Variants in BTRC observed in about 807,000 individuals in gnomAD.
BTRC encodes the protein beta-transducin repeat containing E3 ubiquitin protein ligase, also known as F-box/WD repeat-containing protein 1A.
A neutral mutation model predicts 85.5 loss-of-function variants in BTRC; 42 were observed. The observed-to-expected ratio is 0.49, with a 90% CI of 0.38 to 0.64. BTRC has a LOEUF of 0.64. BTRC is among the 30% of genes least tolerant of loss of function. The pLI is 0.00. For synonymous variants in BTRC, 255 were observed against 263.3 expected, an observed-to-expected ratio of 0.97 and a Z score of 0.30; for missense variants, 594 against 743.5, an observed-to-expected ratio of 0.80 and a Z score of 2.34.
At chr10:101,374,492 T>G (rs1242650233) in intron 1 of BTRC, among the ~76,000 whole-genome samples, 1 of 149,172 alleles carries the variant, frequency 6.7e-6, no homozygotes, top group Non-Finnish European at 1.5e-5. Context: ...GGGACATGGA[T>G]GAAATTGGAA....
intron 2 of BTRC, among the ~76,000 whole-genome samples, chr10:101,431,377 C>G (rs1944400958): frequency 6.6e-6 from 1 of 152,026 alleles, no homozygotes; most frequent in Non-Finnish European, 1.5e-5. Context: ...GCACACAGAC[C>G]CCTCAGCCTT....
intron 1 of BTRC, among the ~76,000 whole-genome samples, chr10:101,356,174 T>G (rs1942028362): frequency 1.3e-5 from 2 of 152,276 alleles, no homozygotes; most frequent in South Asian, 2.1e-4. Flanking sequence ...ATCTAATTTT[T>G]TATTTTTAGT....
intron 4 of BTRC, among the ~76,000 whole-genome samples, chr10:101,495,875 A>G (rs1029798711): frequency 4.2e-5 from 6 of 143,324 alleles, no homozygotes; most frequent in Admixed American, 3.5e-4. Flanking sequence ...AGAGAAATGA[A>G]AAGACCATTA....
At chr10:101,370,012 C>A (rs1942587159) in intron 1 of BTRC, among the ~76,000 whole-genome samples, 1 of 152,206 alleles carries the variant, frequency 6.6e-6, no homozygotes. Context: ...ACACCCTTGT[C>A]CGATACCTGT....
chr10:101,426,007 G>A (rs931650053), intron 1 of BTRC, among the ~76,000 whole-genome samples: 1 of 152,128 alleles, frequency 6.6e-6, no homozygotes, highest in Admixed American at 6.6e-5. Context: ...TTACATATTT[G>A]TCAGAAACTG....
At chr10:101,553,046 A>AC (rs1467423974) in intron 14 of BTRC, 109 bp from the exon 15 acceptor site, 9 of 152,254 alleles carry the variant, frequency 5.9e-5, no homozygotes, top group Admixed American at 1.3e-4. Flanking sequence ...ATTAGGAAGG[A>AC]CCCCTAAGCC....
At chr10:101,422,938 A>T (rs2134058815) in intron 1 of BTRC, among the ~76,000 whole-genome samples, 1 of 152,184 alleles carries the variant, frequency 6.6e-6, no homozygotes, top group East Asian at 1.9e-4. Context: ...CTTAGGATTG[A>T]CTTGGCAATG....
chr10:101,383,636 G>T (rs1020045108), intron 1 of BTRC, among the ~76,000 whole-genome samples: 1 of 152,082 alleles, frequency 6.6e-6, no homozygotes, highest in Non-Finnish European at 1.5e-5. Context: ...AAGTGCTGGG[G>T]TTACAGGCAT....
At chr10:101,391,575 CTCTT>C (rs1179909732) in intron 1 of BTRC, among the ~76,000 whole-genome samples, 2 of 152,158 alleles carry the variant, frequency 1.3e-5, no homozygotes, top group Non-Finnish European at 2.9e-5. Context: ...GTTGGAGAGA[CTCTT>C]TATAAAAATG....
intron 1 of BTRC, among the ~76,000 whole-genome samples, chr10:101,362,690 C>T (rs150679768): frequency 7.9e-5 from 12 of 152,118 alleles, no homozygotes; most frequent in East Asian, 1.9e-4. Context: ...CCACCACGCC[C>T]GGCCAGAAGA....
intron 3 of BTRC, 92 bp from the exon 4 acceptor site, chr10:101,479,276 T>C (rs1945775681): frequency 1.1e-6 from 1 of 922,930 alleles, no homozygotes; most frequent in Admixed American, 2.1e-5. Flanking sequence ...TCTATTTGTG[T>C]TTTGACTTGA....
chr10:101,442,296 A>C (rs111557096), intron 2 of BTRC, among the ~76,000 whole-genome samples: 46,222 of 136,222 alleles, frequency 0.34, 9,160 homozygotes, highest in Middle Eastern at 0.46. Context: ...CTCTGTGTGT[A>C]TGTGTGTGTG....
At chr10:101,409,231 A>C (rs1020795694) in intron 1 of BTRC, among the ~76,000 whole-genome samples, 1 of 152,208 alleles carries the variant, frequency 6.6e-6, no homozygotes, top group African/African-American at 2.4e-5. Context: ...GTTTCTTTCT[A>C]TTCCCTTCCT....
chr10:101,362,375 C>G (rs1163273926), intron 1 of BTRC, among the ~76,000 whole-genome samples: 1 of 151,754 alleles, frequency 6.6e-6, no homozygotes, highest in African/African-American at 2.4e-5. Flanking sequence ...CTGTCAATTA[C>G]AGGAGAATGC....
At chr10:101,373,244 A>G (rs1029041453) in intron 1 of BTRC, among the ~76,000 whole-genome samples, 3 of 152,222 alleles carry the variant, frequency 2.0e-5, no homozygotes, top group Non-Finnish European at 4.4e-5. Flanking sequence ...ACTGGGAGCA[A>G]TAACAACAAA....
At chr10:101,550,955 T>C in intron 14 of BTRC, 64 bp downstream of exon 14, 1 of 1,409,170 alleles carries the variant, frequency 7.1e-7, no homozygotes, top group Non-Finnish European at 9.6e-7. Context: ...TGTAAGGTGT[T>C]GCTAGTTCAT....
chr10:101,549,634 A>T (rs1206140229), intron 13 of BTRC, among the ~76,000 whole-genome samples: 2 of 147,258 alleles, frequency 1.4e-5, no homozygotes, highest in African/African-American at 5.1e-5. Flanking sequence ...GAACGGCGTG[A>T]ACCCGGGAGG....
At chr10:101,491,125 C>A (rs530134607) in intron 4 of BTRC, among the ~76,000 whole-genome samples, 11 of 152,014 alleles carry the variant, frequency 7.2e-5, no homozygotes, top group Non-Finnish European at 1.3e-4. Flanking sequence ...TAAATAGTCA[C>A]CTGCCTTATT....
chr10:101,376,809 A>G (rs1360312373), intron 1 of BTRC, among the ~76,000 whole-genome samples: 1 of 152,184 alleles, frequency 6.6e-6, no homozygotes, highest in Non-Finnish European at 1.5e-5. Flanking sequence ...TCACAACAAC[A>G]TTCTAACACA....
Sources: gnomAD v4.1 joint callset for allele counts (sites outside exome capture counted in the v4.1 genomes callset) on GRCh38, gnomAD v4.1.1 for gene constraint, MANE v1.5 for transcripts, NCBI Gene and HGNC (gene_info 2026-07-23, HGNC 2026-07-21) for gene names.